EYA4: variants seen among roughly 807,000 people sequenced by gnomAD.
The protein encoded by EYA4 is protein phosphatase EYA4.
EYA4 carries 31 observed loss-of-function variants against 87.9 expected under a neutral mutation model. The ratio of observed to expected loss-of-function variants is 0.35; its 90% CI spans 0.27 to 0.48. The LOEUF is 0.48. Ranked by LOEUF, EYA4 falls within the 20% of genes least tolerant of loss-of-function variation. The pLI is 0.99. For synonymous variants in EYA4, 263 were observed against 270.6 expected (o/e 0.97, Z 0.28); for missense variants, 678 against 761.4 (o/e 0.89, Z 1.29).
intron 10 of EYA4, among the ~76,000 whole-genome samples, chr6:133,465,817 C>A (rs562821097): frequency 6.6e-6 from 1 of 152,082 alleles, no homozygotes; most frequent in African/African-American, 2.4e-5. Flanking sequence ...TTATTGATAT[C>A]ACAAAAGGCA....
intron 2 of EYA4, among the ~76,000 whole-genome samples, chr6:133,313,843 C>G (rs1004427263): frequency 6.6e-6 from 1 of 152,044 alleles, no homozygotes; most frequent in Non-Finnish European, 1.5e-5. Flanking sequence ...ATCATGTTAG[C>G]AAATGTATAT....
At chr6:133,467,449 T>C (rs1414300214) in intron 10 of EYA4, among the ~76,000 whole-genome samples, 1 of 152,134 alleles carries the variant, frequency 6.6e-6, no homozygotes, top group African/African-American at 2.4e-5. Context: ...GTAAGCACTA[T>C]GTAAACATTT....
intron 3 of EYA4, among the ~76,000 whole-genome samples, chr6:133,396,020 CT>C (rs2128504725): frequency 6.6e-6 from 1 of 152,292 alleles, no homozygotes; most frequent in South Asian, 2.1e-4. Context: ...TCTCCCCCTT[CT>C]TTTCTCCCTT....
At chr6:133,413,379 C>G (rs1005188120) in intron 3 of EYA4, among the ~76,000 whole-genome samples, 1 of 151,592 alleles carries the variant, frequency 6.6e-6, no homozygotes, top group Non-Finnish European at 1.5e-5. Context: ...TATTCTGGGT[C>G]TCCTACCATT....
intron 11 of EYA4, among the ~76,000 whole-genome samples, chr6:133,477,833 C>T (rs111428610): frequency 6.8e-5 from 10 of 146,294 alleles, no homozygotes; most frequent in Non-Finnish European, 1.0e-4. Flanking sequence ...CACACACACA[C>T]GCATATATAT....
chr6:133,451,579 T>G (rs946075978), intron 5 of EYA4, among the ~76,000 whole-genome samples: 1 of 152,148 alleles, frequency 6.6e-6, no homozygotes, highest in African/African-American at 2.4e-5. Context: ...CAAGTTCCTA[T>G]TATATGCCAA....
chr6:133,443,054 A>G (rs1206632669), intron 3 of EYA4, among the ~76,000 whole-genome samples: 1 of 151,936 alleles, frequency 6.6e-6, no homozygotes, highest in East Asian at 1.9e-4. Context: ...ATCTATGTTT[A>G]TAAGAAATAT....
intron 3 of EYA4, among the ~76,000 whole-genome samples, chr6:133,395,764 A>C (rs1167140523): frequency 6.6e-6 from 1 of 152,204 alleles, no homozygotes; most frequent in East Asian, 1.9e-4. Flanking sequence ...TCGTCTAAAA[A>C]ATTAAAATAA....
At chr6:133,304,874 A>G (rs145333851) in intron 2 of EYA4, among the ~76,000 whole-genome samples, 18 of 152,284 alleles carry the variant, frequency 1.2e-4, no homozygotes, top group Admixed American at 3.3e-4. Flanking sequence ...AAGAGCTTAT[A>G]TTTCTGAGTG....
At position 133,420,502 on chromosome 6, in the gene EYA4, C is replaced by T. The variant is rs144532722; in HGVS notation, c.84-26128C>T. 1.8e-3 allele frequency among the ~76,000 whole-genome samples: 275 copies of T among 152,324 alleles called. 1 individual carries two copies. Among genetic ancestry groups the T allele is most frequent in the Non-Finnish European group, 3.1e-3 (211 of 68,030 alleles). On this transcript the variant is annotated intron_variant, in intron 3 of 19. Transcript: ENST00000355286. Reference sequence around the variant, plus strand: ...ATACATGAAAGCCTAAATAATGTCTCTCACCTGGGAAAAAGTAGAGACAGG... The same window carrying T: ...ATACATGAAAGCCTAAATAATGTCTTTCACCTGGGAAAAAGTAGAGACAGG...
chr6:133,467,410 G>C (rs1029898109), intron 10 of EYA4, among the ~76,000 whole-genome samples: 4 of 152,064 alleles, frequency 2.6e-5, no homozygotes, highest in Non-Finnish European at 4.4e-5. Context: ...AAATATATCT[G>C]AGCCCTTAGA....
chr6:133,246,319 G>A (rs1481207648), intron 1 of EYA4, among the ~76,000 whole-genome samples: 6 of 152,062 alleles, frequency 3.9e-5, no homozygotes, highest in Non-Finnish European at 5.9e-5. Flanking sequence ...TTTCCAATAT[G>A]AAATGTTTTA....
chr6:133,379,122 G>A (rs948400875), intron 2 of EYA4, among the ~76,000 whole-genome samples: 1 of 152,014 alleles, frequency 6.6e-6, no homozygotes, highest in Non-Finnish European at 1.5e-5. Flanking sequence ...ACATTCAGAA[G>A]TAAGCCTGGG....
chr6:133,373,810 G>A (rs913030396), intron 2 of EYA4, among the ~76,000 whole-genome samples: 4 of 152,030 alleles, frequency 2.6e-5, no homozygotes, highest in Non-Finnish European at 5.9e-5. Context: ...TAGCGCTTAT[G>A]TATAGTATTT....
At chr6:133,320,102 G>A (rs1200251594) in intron 2 of EYA4, among the ~76,000 whole-genome samples, 1 of 146,648 alleles carries the variant, frequency 6.8e-6, no homozygotes, top group South Asian at 2.1e-4. Flanking sequence ...GTGTTTGTAT[G>A]TATTCATATT....
intron 11 of EYA4, among the ~76,000 whole-genome samples, chr6:133,475,848 G>T (rs1795676665): frequency 6.6e-6 from 1 of 152,140 alleles, no homozygotes; most frequent in Admixed American, 6.6e-5. Context: ...CCTGCAAAAG[G>T]AATAGAGGTC....
intron 2 of EYA4, among the ~76,000 whole-genome samples, chr6:133,307,950 T>C (rs574936314): frequency 6.6e-6 from 1 of 151,670 alleles, no homozygotes; most frequent in South Asian, 2.1e-4. Flanking sequence ...TGGGGGTGGG[T>C]TTTTCCTGTG....
At chr6:133,353,416 T>G (rs1783783130) in intron 2 of EYA4, among the ~76,000 whole-genome samples, 1 of 152,164 alleles carries the variant, frequency 6.6e-6, no homozygotes, top group African/African-American at 2.4e-5. Context: ...TAGGTAAGAA[T>G]GAAAGAAATG....
At chr6:133,266,395 C>T (rs573414405) in intron 1 of EYA4, among the ~76,000 whole-genome samples, 2 of 152,192 alleles carry the variant, frequency 1.3e-5, no homozygotes, top group African/African-American at 4.8e-5. Flanking sequence ...CCTAGGATCT[C>T]CAGAGCAAGC....
Sources: allele counts gnomAD v4.1 joint callset (sites outside exome capture counted in the v4.1 genomes callset), GRCh38; gene constraint gnomAD v4.1.1; transcripts MANE v1.5; gene names NCBI Gene and HGNC (gene_info 2026-07-23, HGNC 2026-07-21).